Variants in GRID2 observed in about 807,000 individuals in gnomAD.
GRID2 encodes glutamate receptor ionotropic, delta-2.
GRID2 carries 33 observed loss-of-function variants against 114.8 expected under a neutral mutation model. The observed-to-expected ratio is 0.29, with a 90% CI of 0.22 to 0.38. The LOEUF is 0.38. Ranked by LOEUF, GRID2 falls within the 10% of genes least tolerant of loss-of-function variation. The probability of loss-of-function intolerance (pLI) is 1.00; values close to 1 mark genes in which losing one functional copy is unlikely to be tolerated. For missense variants in GRID2, 1,184 were observed against 1,257.7 expected (o/e 0.94, Z 0.89); for synonymous variants, 505 against 449.9 (o/e 1.12, Z -1.55).
chr4:92,981,110 T>C (rs867062506), intron 2 of GRID2, among the ~76,000 whole-genome samples: 25 of 152,070 alleles, frequency 1.6e-4, no homozygotes, highest in African/African-American at 5.5e-4. Context: ...TCAATACCAG[T>C]CAAAACTCAA....
chr4:92,637,099 C>T (rs1465804537), intron 2 of GRID2, among the ~76,000 whole-genome samples: 1 of 151,708 alleles, frequency 6.6e-6, no homozygotes, highest in African/African-American at 2.4e-5. Flanking sequence ...TTTAATATTA[C>T]ACAAATAAGG....
chr4:93,779,062 C>A (rs1734427118), downstream of GRID2, among the ~76,000 whole-genome samples: 1 of 151,950 alleles, frequency 6.6e-6, no homozygotes, highest in African/African-American at 2.4e-5. Context: ...GTATGAAAAC[C>A]CCTCTCACAT....
chr4:93,010,601 G>T (rs1722033668), intron 2 of GRID2, among the ~76,000 whole-genome samples: 1 of 152,074 alleles, frequency 6.6e-6, no homozygotes, highest in Non-Finnish European at 1.5e-5. Context: ...TTTTAAAAAA[G>T]GCTTTACTGC....
intron 1 of GRID2, among the ~76,000 whole-genome samples, chr4:92,573,501 G>A (rs1453669087): frequency 6.6e-6 from 1 of 151,934 alleles, no homozygotes; most frequent in African/African-American, 2.4e-5. Context: ...CAGTTAATCT[G>A]GTATGTTGTT....
intron 2 of GRID2, among the ~76,000 whole-genome samples, chr4:92,856,349 C>G (rs2149429517): frequency 6.6e-6 from 1 of 152,180 alleles, no homozygotes. Context: ...AGTCCCTTCG[C>G]TCCTTACCAT....
chr4:93,128,057 A>AAAC (rs759125139), intron 4 of GRID2, among the ~76,000 whole-genome samples: 5 of 119,526 alleles, frequency 4.2e-5, no homozygotes, highest in South Asian at 2.5e-4. Flanking sequence ...AAAAAAAAAA[A>AAAC]AACAACAGTA....
chr4:92,694,354 A>C (rs1309173549), intron 2 of GRID2, among the ~76,000 whole-genome samples: 1 of 152,174 alleles, frequency 6.6e-6, no homozygotes, highest in Non-Finnish European at 1.5e-5. Context: ...TCCAAAAGGA[A>C]GATGGGAGAA....
Position 93,398,283 on chromosome 4 carries a change from G to A in GRID2, c.1347+2575G>A, listed in dbSNP as rs1358549607. 3.3e-5 allele frequency among the ~76,000 whole-genome samples: 5 copies of A among 150,984 alleles called. No homozygotes were observed. The East Asian group carries it at 7.9e-4, about 24-fold the overall frequency. On this transcript the variant is annotated intron_variant, in intron 9 of 15. Coordinates refer to ENST00000282020, the MANE Select transcript of GRID2 (RefSeq NM_001510.4). Reference sequence around the variant, plus strand: ...GAAGAAATTGAAGAATAACATGCAAGGAGCGATTCTACGTGTGGTAACTGC... The same window carrying A: ...GAAGAAATTGAAGAATAACATGCAAAGAGCGATTCTACGTGTGGTAACTGC...
rs143275707 is a variant in GRID2 at position 92,944,707 on chromosome 4, C to T, written c.245-140288C>T. Among the ~76,000 whole-genome samples, 672 of 152,278 alleles carry T rather than the reference C, an allele frequency of 4.4e-3. 8 individuals carry two copies. Among genetic ancestry groups the T allele is most frequent in the African/African-American group, 0.015 (644 of 41,560 alleles). Reference sequence around the variant, plus strand: ...ATTTGGCCATCTTCAATATTTCTAACATATTAGAATCTATTTGATTTTTTA... The same window carrying T: ...ATTTGGCCATCTTCAATATTTCTAATATATTAGAATCTATTTGATTTTTTA... On this transcript the variant is annotated intron_variant, in intron 2 of 15. Transcript: ENST00000282020.
At chr4:93,153,708 G>A (rs1736925693) in intron 4 of GRID2, among the ~76,000 whole-genome samples, 2 of 152,170 alleles carry the variant, frequency 1.3e-5, no homozygotes, top group Non-Finnish European at 2.9e-5. Context: ...TCAATGCATA[G>A]GGAAGAGCCA....
chr4:92,766,536 CAAAAAA>C (rs34162997), intron 2 of GRID2, among the ~76,000 whole-genome samples: 1 of 86,954 alleles, frequency 1.2e-5, no homozygotes, highest in Non-Finnish European at 2.3e-5. Flanking sequence ...GACTCCTTCT[CAAAAAA>C]AAAAAAAAAA....
chr4:92,986,043 G>T (rs1754492844), intron 2 of GRID2, among the ~76,000 whole-genome samples: 1 of 152,170 alleles, frequency 6.6e-6, no homozygotes, highest in Admixed American at 6.5e-5. Flanking sequence ...CACAGCCAAG[G>T]CATGCATTGG....
intron 14 of GRID2, among the ~76,000 whole-genome samples, chr4:93,644,615 A>G (rs17020910): frequency 0.03 from 4,628 of 152,246 alleles, 225 homozygotes; most frequent in African/African-American, 0.1. Flanking sequence ...TCTTGGTGCT[A>G]ATCAGCATGA....
chr4:93,008,219 A>T (rs969223512), intron 2 of GRID2, among the ~76,000 whole-genome samples: 1 of 152,062 alleles, frequency 6.6e-6, no homozygotes, highest in African/African-American at 2.4e-5. Context: ...GTGGCGTAAA[A>T]AATGAGGGTG....
chr4:92,560,673 C>T (rs1434161965), intron 1 of GRID2, among the ~76,000 whole-genome samples: 1 of 152,070 alleles, frequency 6.6e-6, no homozygotes, highest in Non-Finnish European at 1.5e-5. Flanking sequence ...ACTGATATTT[C>T]CAGACCTTGT....
At chr4:92,495,644 G>C (rs1723352182) in intron 1 of GRID2, among the ~76,000 whole-genome samples, 2 of 151,856 alleles carry the variant, frequency 1.3e-5, no homozygotes, top group Admixed American at 6.6e-5. Flanking sequence ...AATCACAGCA[G>C]CTTAATGTAC....
chr4:92,452,015 C>T (rs1720952561), intron 1 of GRID2, among the ~76,000 whole-genome samples: 1 of 152,172 alleles, frequency 6.6e-6, no homozygotes, highest in Non-Finnish European at 1.5e-5. Context: ...TGTTGAATCA[C>T]TACATAGTCA....
At chr4:92,450,856 ATAAAT>A (rs949318374) in intron 1 of GRID2, among the ~76,000 whole-genome samples, 15 of 148,124 alleles carry the variant, frequency 1.0e-4, no homozygotes, top group African/African-American at 3.4e-4. Flanking sequence ...ATAAATTTAA[ATAAAT>A]TTAATTTTTA....
In GRID2 at chr4:93,223,279, A is replaced by G. The variant is rs1342364142; in HGVS notation, c.964-1335A>G. Among the ~76,000 whole-genome samples, 4 of 152,164 alleles carry G rather than the reference A, an allele frequency of 2.6e-5. No individual in the cohort carries two copies. The East Asian group carries it at 7.7e-4, about 29-fold the overall frequency. Reference sequence around the variant, plus strand: ...CAGTCCTAATACTTCCTTATGAAGGACAAACTTGTATTGCACGTAATGCAT... The same window carrying G: ...CAGTCCTAATACTTCCTTATGAAGGGCAAACTTGTATTGCACGTAATGCAT... On this transcript the variant is annotated intron_variant, in intron 6 of 15. Coordinates refer to ENST00000282020, the MANE Select transcript of GRID2 (RefSeq NM_001510.4).
Sources: allele counts gnomAD v4.1 joint callset (sites outside exome capture counted in the v4.1 genomes callset), GRCh38; gene constraint gnomAD v4.1.1; transcripts MANE v1.5; gene names NCBI Gene and HGNC (gene_info 2026-07-23, HGNC 2026-07-21).